The following IGSF10 variants were observed in gnomAD, a reference collection of about 807,000 sequenced individuals.
IGSF10 encodes calvaria mechanical force protein 608.
IGSF10 carries 126 observed loss-of-function variants against 128.2 expected under a neutral mutation model. The ratio of observed to expected loss-of-function variants is 0.98; its 90% CI spans 0.85 to 1.14. IGSF10 has a LOEUF of 1.14. Ranked by LOEUF, IGSF10 falls within the 50% of genes most tolerant of loss-of-function variation. The pLI, the probability that IGSF10 is intolerant of heterozygous loss-of-function variation, is 0.00. For missense variants in IGSF10, 3,295 were observed against 3,149.8 expected (o/e 1.05, Z -1.10); for synonymous variants, 1,185 against 1,146.2 (o/e 1.03, Z -0.68).
At chr3:151,619,647 G>A in the IGSF10 span, among the ~76,000 whole-genome samples, 1 of 152,052 alleles carries the variant, frequency 6.6e-6, no homozygotes, top group African/African-American at 2.4e-5. Flanking sequence ...ATTTGATATG[G>A]TTTAAATGTA....
At chr3:151,575,317 C>T in the IGSF10 span, among the ~76,000 whole-genome samples, 1 of 152,162 alleles carries the variant, frequency 6.6e-6, no homozygotes, top group Non-Finnish European at 1.5e-5. Flanking sequence ...TCAGCTATGC[C>T]CTGCCCCTAG....
chr3:151,530,147 G>A, the IGSF10 span, among the ~76,000 whole-genome samples: 84 of 151,864 alleles, frequency 5.5e-4, 1 homozygote, highest in East Asian at 7.4e-3. Context: ...AAAGCAAGAC[G>A]TCAAGATTAG....
chr3:151,443,981 A>G, intron 6 of IGSF10, 97 bp from the exon 7 acceptor site: 1 of 962,498 alleles, frequency 1.0e-6, no homozygotes, highest in Non-Finnish European at 1.5e-6. Flanking sequence ...ATACATTTAA[A>G]TTAAAATGAA....
Position 151,461,043 on chromosome 3 carries a change from G to C in IGSF10, c.-186C>G. ...TGGGGTCGTGCGGAGCTGGTCCGGAGCTCTGGGAGGGAAGGAAGGAAGGCG... is the reference window on the plus strand; with the variant it reads ...TGGGGTCGTGCGGAGCTGGTCCGGACCTCTGGGAGGGAAGGAAGGAAGGCG... On this transcript the variant is annotated 5_prime_UTR_variant, in exon 1 of 8. Transcript: ENST00000282466. 1.0e-6 allele frequency: 1 copy of C among 985,430 alleles called. No individual in the cohort carries two copies. Among genetic ancestry groups the C allele is most frequent in the Non-Finnish European group, 1.2e-6 (1 of 829,920 alleles). 61.0% of individuals were successfully genotyped at this position (985,430 alleles called of 1,614,324 possible).
At chr3:151,465,742 G>A (rs1410167819), upstream of IGSF10, among the ~76,000 whole-genome samples, 1 of 152,094 alleles carries the variant, frequency 6.6e-6, no homozygotes, top group Non-Finnish European at 1.5e-5. Flanking sequence ...GGATACCAAT[G>A]GTGCTGTTAC....
At chr3:151,493,026 T>A in the IGSF10 span, among the ~76,000 whole-genome samples, 1 of 152,086 alleles carries the variant, frequency 6.6e-6, no homozygotes, top group Non-Finnish European at 1.5e-5. Context: ...ACAATATGAA[T>A]GGACCTGGAG....
chr3:151,562,197 T>A, the IGSF10 span, among the ~76,000 whole-genome samples: 1 of 152,112 alleles, frequency 6.6e-6, no homozygotes, highest in Non-Finnish European at 1.5e-5. Flanking sequence ...GGAATGAGAG[T>A]GACCTCTGGT....
the IGSF10 span, among the ~76,000 whole-genome samples, chr3:151,466,119 CG>C: frequency 6.6e-6 from 1 of 152,112 alleles, no homozygotes; most frequent in South Asian, 2.1e-4. Context: ...ATTCATGAAT[CG>C]TTTTTTTCCT....
the IGSF10 span, among the ~76,000 whole-genome samples, chr3:151,515,114 C>T: frequency 6.6e-6 from 1 of 152,248 alleles, no homozygotes. Flanking sequence ...CATCCCATTA[C>T]TGGATATATA....
the IGSF10 span, among the ~76,000 whole-genome samples, chr3:151,479,222 G>A: frequency 2.0e-5 from 3 of 152,016 alleles, no homozygotes; most frequent in African/African-American, 7.2e-5. Flanking sequence ...ATGGAAAGTA[G>A]GATGCTGGTA....
downstream of IGSF10, chr3:151,434,239 G>A (rs1719842787): frequency 6.6e-6 from 1 of 152,072 alleles, no homozygotes; most frequent in Non-Finnish European, 1.5e-5. Context: ...TTAAAATGTA[G>A]CTAGTACAAC....
chr3:151,583,632 G>A, the IGSF10 span, among the ~76,000 whole-genome samples: 1 of 152,100 alleles, frequency 6.6e-6, no homozygotes, highest in Non-Finnish European at 1.5e-5. Context: ...TGTAAATGAC[G>A]AGTTAATAGG....
the IGSF10 span, among the ~76,000 whole-genome samples, chr3:151,528,600 G>C: frequency 3.9e-5 from 6 of 152,258 alleles, no homozygotes; most frequent in East Asian, 7.8e-4. Context: ...ACGTACAAAG[G>C]GTTGGGGGAT....
At chr3:151,528,782 A>G in the IGSF10 span, among the ~76,000 whole-genome samples, 2 of 147,174 alleles carry the variant, frequency 1.4e-5, no homozygotes, top group Non-Finnish European at 1.5e-5. Context: ...TTGGGCAGAC[A>G]CTGAGCTAGC....
the IGSF10 span, among the ~76,000 whole-genome samples, chr3:151,563,397 G>A: frequency 6.6e-6 from 1 of 152,096 alleles, no homozygotes; most frequent in African/African-American, 2.4e-5. Context: ...GTATGTGAAT[G>A]GGCTTCAGGA....
chr3:151,555,569 A>G, the IGSF10 span, among the ~76,000 whole-genome samples: 1 of 152,146 alleles, frequency 6.6e-6, no homozygotes, highest in Non-Finnish European at 1.5e-5. Flanking sequence ...GTCTGCTAGG[A>G]ATCATAAGGG....
At chr3:151,486,048 G>A in the IGSF10 span, among the ~76,000 whole-genome samples, 1 of 152,186 alleles carries the variant, frequency 6.6e-6, no homozygotes, top group Admixed American at 6.5e-5. Context: ...GTTGTATTCA[G>A]GAGACCCATC....
downstream of IGSF10, chr3:151,434,212 A>G (rs1452104188): frequency 6.6e-6 from 1 of 152,226 alleles, no homozygotes; most frequent in Admixed American, 6.5e-5. Flanking sequence ...TGAGCAGACC[A>G]TGTAAATCTA....
downstream of IGSF10, among the ~76,000 whole-genome samples, chr3:151,432,503 C>G (rs1042999860): frequency 3.9e-5 from 6 of 152,358 alleles, no homozygotes; most frequent in African/African-American, 1.2e-4. Flanking sequence ...GGGAGACACT[C>G]TGGATGGGCC....
Sources: allele counts gnomAD v4.1 joint callset (sites outside exome capture counted in the v4.1 genomes callset), GRCh38; gene constraint gnomAD v4.1.1; transcripts MANE v1.5; gene names NCBI Gene and HGNC (gene_info 2026-07-23, HGNC 2026-07-21).